Variants in WWC2 observed in about 807,000 individuals in gnomAD.
WWC2 encodes protein WWC2.
A neutral mutation model predicts 138.5 loss-of-function variants in WWC2; 101 were observed. That is an observed-to-expected ratio of 0.73 (90% confidence interval 0.62 to 0.86). WWC2 has a LOEUF of 0.86. Ranked by LOEUF, WWC2 falls within the 40% of genes least tolerant of loss-of-function variation. WWC2 has a pLI of 0.00. For missense variants in WWC2, 1,420 were observed against 1,419.4 expected, an observed-to-expected ratio of 1.00 and a Z score of -0.01; for synonymous variants, 558 against 538.4, an observed-to-expected ratio of 1.04 and a Z score of -0.50.
intron 1 of WWC2, among the ~76,000 whole-genome samples, chr4:183,120,497 A>T (rs72691688): frequency 0.074 from 11,297 of 152,118 alleles, 781 homozygotes; most frequent in African/African-American, 0.18. Context: ...TAACTTGGAG[A>T]TTATGGAATT....
At chr4:183,306,165 T>G (rs972339879) in intron 21 of WWC2, among the ~76,000 whole-genome samples, 3 of 152,048 alleles carry the variant, frequency 2.0e-5, no homozygotes, top group Non-Finnish European at 2.9e-5. Context: ...TGACATTATA[T>G]AAAGTCCTCA....
At chr4:183,143,513 A>G (rs973024517) in intron 1 of WWC2, among the ~76,000 whole-genome samples, 2 of 152,228 alleles carry the variant, frequency 1.3e-5, no homozygotes, top group Non-Finnish European at 2.9e-5. Flanking sequence ...TTAATAATAT[A>G]CAAACATTTT....
chr4:183,181,018 A>G (rs1479864133), intron 1 of WWC2, among the ~76,000 whole-genome samples: 1 of 152,248 alleles, frequency 6.6e-6, no homozygotes, highest in East Asian at 1.9e-4. Context: ...TTATGCACAC[A>G]TTACAAATTG....
intron 1 of WWC2, among the ~76,000 whole-genome samples, chr4:183,192,377 CATT>C (rs776942429): frequency 1.5e-4 from 23 of 152,280 alleles, no homozygotes; most frequent in Non-Finnish European, 2.8e-4. Context: ...AGGTTACCCT[CATT>C]ATTGCTTCTG....
chr4:183,205,216 T>A (rs1735416076), intron 2 of WWC2, among the ~76,000 whole-genome samples: 1 of 152,228 alleles, frequency 6.6e-6, no homozygotes, highest in Admixed American at 6.5e-5. Context: ...CACATCCTCT[T>A]CAACACTTGG....
chr4:183,253,693 G>A, intron 8 of WWC2, 64 bp from the exon 9 acceptor site: 3 of 1,562,278 alleles, frequency 1.9e-6, no homozygotes, highest in Non-Finnish European at 2.6e-6. Flanking sequence ...TTTGGCTTAG[G>A]CTGTGTTTAC....
chr4:183,107,779 A>T (rs1454020889), intron 1 of WWC2, among the ~76,000 whole-genome samples: 1 of 151,952 alleles, frequency 6.6e-6, no homozygotes, highest in Non-Finnish European at 1.5e-5. Context: ...TTTTTATTGT[A>T]TCAACCAGCC....
intron 1 of WWC2, among the ~76,000 whole-genome samples, chr4:183,170,512 A>G (rs1308932414): frequency 6.6e-6 from 1 of 152,132 alleles, no homozygotes; most frequent in Non-Finnish European, 1.5e-5. Flanking sequence ...GCTTGGGAAC[A>G]TGTATTGCAA....
At chr4:183,197,946 A>T (rs923459183) in intron 2 of WWC2, among the ~76,000 whole-genome samples, 3 of 152,148 alleles carry the variant, frequency 2.0e-5, no homozygotes, top group Non-Finnish European at 4.4e-5. Context: ...TCTGATTTCT[A>T]TCACCATAGC....
At position 183,319,559 on chromosome 4, in the gene WWC2, G is replaced by A; in HGVS notation, c.*3830G>A. Reference sequence around the variant, plus strand: ...GCAGACGCTTGTCCTTTCTGGCTTAGTGTTTCAGGTTGGTGTTTCTCGTCT... The same window carrying A: ...GCAGACGCTTGTCCTTTCTGGCTTAATGTTTCAGGTTGGTGTTTCTCGTCT... On this transcript the variant is annotated 3_prime_UTR_variant, in exon 23 of 23. Coordinates refer to ENST00000403733, the MANE Select transcript of WWC2 (RefSeq NM_024949.6). 6.2e-7 allele frequency: 1 copy of A among 1,608,522 alleles called. No homozygotes were observed. Among genetic ancestry groups the A allele is most frequent in the Non-Finnish European group, 8.5e-7 (1 of 1,177,212 alleles).
chr4:183,302,039 A>G (rs1447858966), intron 21 of WWC2, among the ~76,000 whole-genome samples: 4 of 152,160 alleles, frequency 2.6e-5, no homozygotes, highest in Non-Finnish European at 5.9e-5. Context: ...TAATGCATTC[A>G]TTTGTATAGC....
chr4:183,275,667 G>A (rs764460787), intron 16 of WWC2, among the ~76,000 whole-genome samples: 12 of 151,982 alleles, frequency 7.9e-5, no homozygotes, highest in Non-Finnish European at 1.3e-4. Flanking sequence ...TGGTCATAGT[G>A]TAGATCCTTT....
At chr4:183,181,981 GTTTA>G (rs567529956) in intron 1 of WWC2, among the ~76,000 whole-genome samples, 46 of 152,176 alleles carry the variant, frequency 3.0e-4, no homozygotes, top group African/African-American at 1.1e-3. Flanking sequence ...TATACATAGA[GTTTA>G]TTTAGTTTGA....
chr4:183,101,920 A>G (rs959231031), intron 1 of WWC2, among the ~76,000 whole-genome samples: 1 of 152,212 alleles, frequency 6.6e-6, no homozygotes, highest in African/African-American at 2.4e-5. Context: ...GTTAAGGAAA[A>G]GAATTTTGTG....
intron 22 of WWC2, 106 bp downstream of exon 22, chr4:183,312,574 A>G: frequency 6.6e-7 from 1 of 1,506,364 alleles, no homozygotes; most frequent in South Asian, 1.2e-5. Flanking sequence ...CCGAGACAGA[A>G]GTCCTCTGTT....
At chr4:183,127,685 G>A (rs1478181151) in intron 1 of WWC2, among the ~76,000 whole-genome samples, 1 of 152,110 alleles carries the variant, frequency 6.6e-6, no homozygotes, top group East Asian at 1.9e-4. Context: ...CAAGATAATA[G>A]ATGTGTTCAT....
At chr4:183,201,095 G>T (rs1735282404) in intron 2 of WWC2, among the ~76,000 whole-genome samples, 1 of 152,178 alleles carries the variant, frequency 6.6e-6, no homozygotes, top group Admixed American at 6.5e-5. Flanking sequence ...AGAGACCTGA[G>T]TTATAATGAA....
chr4:183,264,999 AAAG>A lies in WWC2; in HGVS notation c.1936_1938del (p.Arg646del). ...ATAGATGTGGAAAAATCATTACCAA[AAAG>A]AAGAGTGATCCACTTGCTTGGGGAG... On this transcript the variant is annotated inframe_deletion, in exon 12 of 23. Transcript: ENST00000403733. 1 of 1,612,940 alleles carries A rather than the reference AAAG, an allele frequency of 6.2e-7. No individual in the cohort carries two copies. The highest frequency in any genetic ancestry group is 1.3e-5 in the African/African-American group (1 of 75,030).
intron 20 of WWC2, 126 bp from the exon 21 acceptor site, chr4:183,289,267 G>A: frequency 7.2e-7 from 1 of 1,397,266 alleles, no homozygotes; most frequent in East Asian, 2.5e-5. Flanking sequence ...AGTTGCTCCT[G>A]CCCCTTAGGC....
Sources: allele counts gnomAD v4.1 joint callset (sites outside exome capture counted in the v4.1 genomes callset), GRCh38; gene constraint gnomAD v4.1.1; transcripts MANE v1.5; gene names NCBI Gene and HGNC (gene_info 2026-07-23, HGNC 2026-07-21).